FSHR: variants seen among roughly 807,000 people sequenced by gnomAD.
FSHR encodes the protein follicle stimulating hormone receptor, also known as follicle-stimulating hormone receptor.
FSHR carries 46 observed loss-of-function variants against 52.1 expected under a neutral mutation model. That is an observed-to-expected ratio of 0.88 (90% confidence interval 0.70 to 1.13). The LOEUF (loss-of-function observed/expected upper bound fraction) is 1.13, where lower values mean the gene tolerates loss of function less well. Among genes scored for constraint, FSHR ranks in the 50% most tolerant of loss-of-function variants. FSHR has a pLI of 0.00. For synonymous variants in FSHR, 399 were observed against 309.6 expected (o/e 1.29, Z -3.03); for missense variants, 964 against 834.6 (o/e 1.16, Z -1.91).
At chr2:49,127,929 G>C (rs1226087525) in intron 1 of FSHR, among the ~76,000 whole-genome samples, 2 of 119,448 alleles carry the variant, frequency 1.7e-5, no homozygotes, top group African/African-American at 3.1e-5. Flanking sequence ...GTCTTACTCT[G>C]TTCCCTAGGC....
chr2:48,988,392 A>G (rs1675614633), intron 6 of FSHR, among the ~76,000 whole-genome samples: 1 of 152,228 alleles, frequency 6.6e-6, no homozygotes, highest in Admixed American at 6.5e-5. Context: ...TCTTGGCCAT[A>G]CTTGTGAGTG....
intron 2 of FSHR, among the ~76,000 whole-genome samples, chr2:49,057,265 A>G (rs2104316436): frequency 6.6e-6 from 1 of 152,260 alleles, no homozygotes. Flanking sequence ...TGAACAAACC[A>G]TTAGCTAGAC....
chr2:49,132,874 C>T (rs140420386), intron 1 of FSHR, among the ~76,000 whole-genome samples: 58 of 143,672 alleles, frequency 4.0e-4, no homozygotes, highest in Admixed American at 1.5e-3. Flanking sequence ...ATTATAAAAA[C>T]CAAACAAAAA....
Position 48,962,400 on chromosome 2 carries a change from C to T in FSHR, c.*333G>A, listed in dbSNP as rs1391370758. 3.5e-6 allele frequency: 1 copy of T among 287,804 alleles called. No homozygotes were observed. The highest frequency in any genetic ancestry group is 2.2e-5 in the African/African-American group (1 of 45,302). 17.8% of individuals were successfully genotyped at this position (287,804 alleles called of 1,614,324 possible). A position where few individuals can be genotyped will look rare whatever the true frequency, so the allele number is the denominator to read the frequency against. ...AGTCGTGGTTTCCTCATTTGTAAAA[C>T]TCCAAGAATAATCCCTGTCCTGCTT... On this transcript the variant is annotated 3_prime_UTR_variant, in exon 10 of 10. Transcript: ENST00000406846.
chr2:48,989,140 G>T lies in FSHR; in HGVS notation c.447-86C>A, dbSNP rs2104095389. 3 of 942,874 alleles carry T rather than the reference G, an allele frequency of 3.2e-6. No homozygotes were observed. The East Asian group carries it at 7.7e-5, about 24-fold the overall frequency. 58.4% of individuals were successfully genotyped at this position (942,874 alleles called of 1,614,324 possible). A position where few individuals can be genotyped will look rare whatever the true frequency, so the allele number is the denominator to read the frequency against. Reference sequence around the variant, plus strand: ...AATTTAGTTTAACTGGCATGATGCGGTCTTCAGCTGAGGTAATGTATTAAT... The same window carrying T: ...AATTTAGTTTAACTGGCATGATGCGTTCTTCAGCTGAGGTAATGTATTAAT... On this transcript the variant is annotated intron_variant, in intron 5 of 9. Transcript: ENST00000406846.
At position 49,092,858 on chromosome 2, in the gene FSHR, G is replaced by C. The variant is rs1348970034; in HGVS notation, c.153-24568C>G. Among the ~76,000 whole-genome samples, 2 of 152,016 alleles carry C rather than the reference G, an allele frequency of 1.3e-5. 1 individual carries two copies. Among genetic ancestry groups the C allele is most frequent in the South Asian group, 4.2e-4 (2 of 4,814 alleles). On this transcript the variant is annotated intron_variant, in intron 1 of 9. Transcript: ENST00000406846. Reference sequence around the variant, plus strand: ...TTTTTCTATTTTTAGTAGAGATGGGGTTTCACCATGTTGGGCAGGCTGGTC... The same window carrying C: ...TTTTTCTATTTTTAGTAGAGATGGGCTTTCACCATGTTGGGCAGGCTGGTC...
At chr2:48,981,792 A>C (rs910904697) in intron 8 of FSHR, among the ~76,000 whole-genome samples, 4 of 152,220 alleles carry the variant, frequency 2.6e-5, no homozygotes, top group African/African-American at 9.6e-5. Context: ...TGGTGTAGAC[A>C]AAAGTGATGC....
intron 2 of FSHR, among the ~76,000 whole-genome samples, chr2:49,023,707 A>T (rs867321667): frequency 1.3e-5 from 2 of 152,162 alleles, no homozygotes; most frequent in Non-Finnish European, 2.9e-5. Context: ...ACCCATAGAA[A>T]ATAAAACAGG....
At chr2:48,970,420 G>T (rs769853188) in intron 8 of FSHR, among the ~76,000 whole-genome samples, 2 of 152,076 alleles carry the variant, frequency 1.3e-5, no homozygotes, top group Non-Finnish European at 2.9e-5. Flanking sequence ...CAGGTAGAAT[G>T]CTCCTTCTTT....
chr2:49,119,398 T>C (rs913066690), intron 1 of FSHR, among the ~76,000 whole-genome samples: 12 of 149,706 alleles, frequency 8.0e-5, no homozygotes, highest in Non-Finnish European at 1.8e-4. Context: ...TTTGTTTTTG[T>C]TTTTGTTTTT....
chr2:49,153,563 G>T (rs1360457882), intron 1 of FSHR, among the ~76,000 whole-genome samples: 2 of 152,170 alleles, frequency 1.3e-5, no homozygotes, highest in African/African-American at 2.4e-5. Flanking sequence ...ATTTGCAAAA[G>T]AAAGAGAGAG....
At chr2:49,011,547 G>A (rs548109380) in intron 4 of FSHR, among the ~76,000 whole-genome samples, 40 of 152,178 alleles carry the variant, frequency 2.6e-4, no homozygotes, top group African/African-American at 7.0e-4. Flanking sequence ...TATTAGGTCC[G>A]CTTGGTGCAG....
intron 2 of FSHR, among the ~76,000 whole-genome samples, chr2:49,021,414 G>A (rs11891968): frequency 0.01 from 1,585 of 152,268 alleles, 35 homozygotes; most frequent in African/African-American, 0.037. Flanking sequence ...GTTTTAATGC[G>A]GCAGCTGAGT....
intron 2 of FSHR, among the ~76,000 whole-genome samples, chr2:49,043,743 C>G (rs1480588965): frequency 6.6e-6 from 1 of 152,160 alleles, no homozygotes; most frequent in East Asian, 1.9e-4. Context: ...TTTGAACATT[C>G]AGAGCTCAGT....
chr2:49,153,465 A>G (rs898845464), intron 1 of FSHR, among the ~76,000 whole-genome samples: 1 of 152,142 alleles, frequency 6.6e-6, no homozygotes, highest in Non-Finnish European at 1.5e-5. Flanking sequence ...ACTGTGAGTC[A>G]AAAGGCCCGA....
At chr2:49,047,297 A>G (rs1668696174) in intron 2 of FSHR, among the ~76,000 whole-genome samples, 1 of 152,212 alleles carries the variant, frequency 6.6e-6, no homozygotes, top group Admixed American at 6.6e-5. Context: ...ATTTAAGGGA[A>G]GATATAAAAG....
At chr2:49,080,846 A>G (rs1196305383) in intron 1 of FSHR, among the ~76,000 whole-genome samples, 1 of 152,114 alleles carries the variant, frequency 6.6e-6, no homozygotes, top group Admixed American at 6.6e-5. Flanking sequence ...ACTCCCAGCC[A>G]TCTCCTTTAC....
intron 1 of FSHR, among the ~76,000 whole-genome samples, chr2:49,152,753 GT>G (rs1293294540): frequency 6.6e-6 from 1 of 152,134 alleles, no homozygotes; most frequent in African/African-American, 2.4e-5. Context: ...GGGTGTAGGG[GT>G]CATCTATATC....
intron 1 of FSHR, among the ~76,000 whole-genome samples, chr2:49,108,712 G>A (rs1268147809): frequency 6.6e-6 from 1 of 152,164 alleles, no homozygotes; most frequent in South Asian, 2.1e-4. Flanking sequence ...GTGCAGGGTG[G>A]CTTTTGAGAA....
Sources: allele counts gnomAD v4.1 joint callset (sites outside exome capture counted in the v4.1 genomes callset), GRCh38; gene constraint gnomAD v4.1.1; transcripts MANE v1.5; gene names NCBI Gene and HGNC (gene_info 2026-07-23, HGNC 2026-07-21).